PARVB: variants seen among roughly 807,000 people sequenced by gnomAD.
The protein encoded by PARVB is beta-parvin.
PARVB carries 46 observed loss-of-function variants against 47.0 expected under a neutral mutation model. That is an observed-to-expected ratio of 0.98 (90% CI 0.77 to 1.25). The LOEUF is 1.25. Ranked by LOEUF, PARVB falls within the 50% of genes most tolerant of loss-of-function variation. The probability of loss-of-function intolerance (pLI) is 0.00; values close to 1 mark genes in which losing one functional copy is unlikely to be tolerated. For missense variants in PARVB, 473 were observed against 471.6 expected (o/e 1.00, Z -0.03); for synonymous variants, 196 against 196.3 (o/e 1.00, Z 0.01).
rs145381668 is a variant in PARVB at position 44,006,914 on chromosome 22, C to T, written c.211+7241C>T. Among the ~76,000 whole-genome samples, 160 of 152,280 alleles carry T rather than the reference C, an allele frequency of 1.1e-3. 1 individual carries two copies. Among genetic ancestry groups the T allele is most frequent in the African/African-American group, 3.7e-3 (152 of 41,552 alleles). On this transcript the variant is annotated intron_variant, in intron 2 of 13. Transcript: ENST00000406477. ...TGTGCAGTACCTCCCCCTGTCATGC[C>T]CCGTGTGAGGGCAAATCACCTTCAT...
chr22:44,016,826 A>C lies in PARVB; in HGVS notation c.211+17153A>C, dbSNP rs151015821. 1.5e-4 allele frequency among the ~76,000 whole-genome samples: 23 copies of C among 152,200 alleles called. 1 individual carries two copies. The East Asian group carries it at 4.4e-3, about 29-fold the overall frequency. On this transcript the variant is annotated intron_variant, in intron 2 of 13. Transcript: ENST00000406477. The stretch of plus-strand genomic sequence containing the variant: ...CTCAGAAATGTTCAGATTTTGAACC[A>C]TTTCATTAGGGATGTTCGACCTGTG...
chr22:44,029,133 T>C (rs1160071582), intron 1 of PARVB, among the ~76,000 whole-genome samples: 3 of 152,132 alleles, frequency 2.0e-5, no homozygotes, highest in Non-Finnish European at 4.4e-5. Flanking sequence ...TACAGGCACA[T>C]ACCACCATGC....
chr22:44,113,514 C>T (rs1446791879), intron 3 of PARVB: 1 of 61,666 alleles, frequency 1.6e-5, no homozygotes, highest in African/African-American at 9.3e-5. Flanking sequence ...AGGCCCTGTA[C>T]CAACACAGAT....
At chr22:44,118,811 C>T (rs1051522796) in intron 3 of PARVB, among the ~76,000 whole-genome samples, 2 of 151,826 alleles carry the variant, frequency 1.3e-5, no homozygotes, top group African/African-American at 2.4e-5. Context: ...CTGGTTCTGG[C>T]GGCTGCAGTG....
intron 3 of PARVB, among the ~76,000 whole-genome samples, chr22:44,118,102 A>G (rs1170383787): frequency 6.6e-6 from 1 of 152,196 alleles, no homozygotes; most frequent in Non-Finnish European, 1.5e-5. Context: ...AGAGACTTGT[A>G]CCTGAATGTT....
intron 11 of PARVB, chr22:44,162,726 C>A (rs1019136341): frequency 6.6e-6 from 1 of 152,236 alleles, no homozygotes; most frequent in Admixed American, 6.5e-5. Flanking sequence ...CCTTGGCTTG[C>A]GGCAGGTGGG....
chr22:44,092,959 C>T (rs904070686), intron 1 of PARVB, among the ~76,000 whole-genome samples: 7 of 152,214 alleles, frequency 4.6e-5, no homozygotes, highest in South Asian at 2.1e-4. Flanking sequence ...GGTACAGCTC[C>T]GGGCACACTG....
chr22:44,102,076 A>G (rs752892051), intron 3 of PARVB, among the ~76,000 whole-genome samples: 2 of 152,206 alleles, frequency 1.3e-5, no homozygotes, highest in East Asian at 1.9e-4. Context: ...CCGACCTGCC[A>G]TCTGCAAGCT....
chr22:44,016,380 G>A (rs1467349558), intron 2 of PARVB, among the ~76,000 whole-genome samples: 1 of 152,132 alleles, frequency 6.6e-6, no homozygotes, highest in East Asian at 1.9e-4. Flanking sequence ...ACAGGCATGA[G>A]CCACTGTGCC....
intron 1 of PARVB, among the ~76,000 whole-genome samples, chr22:44,051,889 C>T (rs771662499): frequency 4.6e-5 from 7 of 152,170 alleles, no homozygotes; most frequent in African/African-American, 1.7e-4. Context: ...CAGACAGACA[C>T]GGGACACAGA....
At chr22:44,076,904 G>A (rs774101163) in intron 1 of PARVB, among the ~76,000 whole-genome samples, 5 of 152,134 alleles carry the variant, frequency 3.3e-5, no homozygotes, top group Admixed American at 2.0e-4. Context: ...GGTGTGCGCC[G>A]GAATGTTGGG....
chr22:44,122,554 C>G (rs56196011), intron 4 of PARVB, among the ~76,000 whole-genome samples: 1,824 of 53,428 alleles, frequency 0.034, 169 homozygotes, highest in African/African-American at 0.045. Context: ...GAGAGAGAGA[C>G]ACAGAGACAG....
chr22:44,030,336 G>A lies in PARVB; in HGVS notation c.112+5885G>A, dbSNP rs149214684. 8.9e-3 allele frequency among the ~76,000 whole-genome samples: 1,351 copies of A among 152,344 alleles called. 24 individuals are homozygous for A. The highest frequency in any genetic ancestry group is 0.031 in the African/African-American group (1,294 of 41,592). On this transcript the variant is annotated intron_variant, in intron 1 of 12. Transcript: ENST00000338758. ...GGCCTCCCTGGAGGAAGTGGTCCTG[G>A]CTGAATGTCTAGGATGGATGTAAAT...
At chr22:44,112,058 A>T (rs1050230663) in intron 3 of PARVB, 2 of 152,140 alleles carry the variant, frequency 1.3e-5, no homozygotes, top group Admixed American at 6.6e-5. Flanking sequence ...GGCTTTGAAG[A>T]CCAAAAAGGG....
intron 12 of PARVB, among the ~76,000 whole-genome samples, chr22:44,164,416 C>CCCG (rs1555913762): frequency 1.8e-4 from 23 of 127,874 alleles, no homozygotes; most frequent in South Asian, 1.7e-3. Flanking sequence ...CTGTCCCCCC[C>CCCG]CCGGCTCCTG....
intron 1 of PARVB, among the ~76,000 whole-genome samples, chr22:44,054,990 C>CAA (rs3083343): frequency 4.4e-4 from 31 of 70,078 alleles, no homozygotes; most frequent in Non-Finnish European, 5.8e-4. Flanking sequence ...AACTCCATCT[C>CAA]AAAAAAAAAA....
intron 1 of PARVB, among the ~76,000 whole-genome samples, chr22:44,051,027 C>T (rs1009642805): frequency 6.6e-6 from 1 of 152,196 alleles, no homozygotes; most frequent in Non-Finnish European, 1.5e-5. Flanking sequence ...TGTCTCATCT[C>T]CTAAGAGAGT....
At chr22:43,999,479 G>C in intron 1 of PARVB, 4 of 1,560,956 alleles carry the variant, frequency 2.6e-6, no homozygotes, top group Non-Finnish European at 3.5e-6. Flanking sequence ...CAAATTTCTA[G>C]CTTCTCTTGA....
chr22:44,041,677 A>C (rs1250166548), intron 1 of PARVB, among the ~76,000 whole-genome samples: 3 of 151,946 alleles, frequency 2.0e-5, no homozygotes, highest in Non-Finnish European at 2.9e-5. Context: ...TGAGCCCAGG[A>C]GTTTGAGACC....
Sources: allele counts gnomAD v4.1 joint callset (sites outside exome capture counted in the v4.1 genomes callset), GRCh38; gene constraint gnomAD v4.1.1; transcripts MANE v1.5; gene names NCBI Gene and HGNC (gene_info 2026-07-23, HGNC 2026-07-21).